TDRD7: variants seen among roughly 807,000 people sequenced by gnomAD.
TDRD7 encodes tudor domain containing 7.
A neutral mutation model predicts 109.8 loss-of-function variants in TDRD7; 47 were observed. The observed-to-expected ratio is 0.43, with a 90% CI of 0.34 to 0.55. TDRD7 has a LOEUF of 0.55. Among genes scored for constraint, TDRD7 ranks in the 20% least tolerant of loss-of-function variants. The pLI is 0.03. For synonymous variants in TDRD7, 424 were observed against 457.3 expected, an observed-to-expected ratio of 0.93 and a Z score of 0.93; for missense variants, 1,164 against 1,319.2, an observed-to-expected ratio of 0.88 and a Z score of 1.82.
At chr9:97,435,111 G>T (rs192451575) in intron 4 of TDRD7, among the ~76,000 whole-genome samples, 1 of 152,056 alleles carries the variant, frequency 6.6e-6, no homozygotes, top group Non-Finnish European at 1.5e-5. Context: ...TGGTGGGCAC[G>T]TGAATCTGTA....
chr9:97,450,709 AG>A (rs1828475682), intron 6 of TDRD7, among the ~76,000 whole-genome samples: 1 of 152,210 alleles, frequency 6.6e-6, no homozygotes, highest in Non-Finnish European at 1.5e-5. Context: ...CCTATTTGCC[AG>A]AAAATTAAAA....
intron 6 of TDRD7, among the ~76,000 whole-genome samples, chr9:97,448,588 A>G (rs1397539340): frequency 2.0e-5 from 3 of 152,206 alleles, no homozygotes. Flanking sequence ...TTTATTCACT[A>G]CTGAAGTCAA....
At position 97,482,912 on chromosome 9, in the gene TDRD7, C is replaced by A; in HGVS notation, c.2476C>A (p.Pro826Thr). The part of the protein sequence containing the change: ...HVYLFTPKNF[P>T]DPHRSINRQI... ...TTATTTATTTACCCCTAAGAACTTC[C>A]CTGACCCTCATCGCAGTATTAATCG... Residue 826 changes from proline to threonine, a missense_variant, in exon 15 of 17, where the codon CCT (proline) becomes ACT (threonine). Pro to Thr is a conservative substitution (Grantham distance 38, BLOSUM62 -1). Around this residue, in one of 5 missense-constraint regions of TDRD7, gnomAD observed 233 missense variants for 218.0 expected, o/e 1.07. Coordinates refer to ENST00000355295, the MANE Select transcript of TDRD7 (RefSeq NM_014290.3). 5 of 1,614,134 alleles carry A rather than the reference C, an allele frequency of 3.1e-6. No homozygotes were observed. Among genetic ancestry groups the A allele is most frequent in the Non-Finnish European group, 4.2e-6 (5 of 1,180,012 alleles).
intron 16 of TDRD7, among the ~76,000 whole-genome samples, chr9:97,488,805 T>A (rs189643497): frequency 6.6e-6 from 1 of 152,334 alleles, no homozygotes; most frequent in African/African-American, 2.4e-5. Context: ...GCTACAAGTT[T>A]CCCTCTAAGT....
intron 1 of TDRD7, among the ~76,000 whole-genome samples, chr9:97,424,873 AT>A (rs887952335): frequency 1.3e-5 from 2 of 149,928 alleles, no homozygotes; most frequent in Admixed American, 6.6e-5. Flanking sequence ...TTCCTGTCTA[AT>A]TTTTTTTAAC....
Position 97,478,564 on chromosome 9 carries a change from A to G in TDRD7, c.2292A>G (p.Ile764Met). 2.5e-6 allele frequency: 4 copies of G among 1,613,920 alleles called. No individual in the cohort carries two copies. Among genetic ancestry groups the G allele is most frequent in the African/African-American group, 1.3e-5 (1 of 75,022 alleles). ...GGTTTCTACAAGAAATGATTGCAAT[A>G]CCACCTCAGGTACTATGTTACCAGC... is the stretch of plus-strand genomic sequence containing the variant. The part of the protein sequence containing the change: ...PPRFLQEMIA[I>M]PPQAIKCCLA... Residue 764 changes from isoleucine (I) to methionine (M), a missense_variant, in exon 13 of 17, where the codon ATA (isoleucine) becomes ATG (methionine). This residue lies in a region of TDRD7 where 233 missense variants were observed against 218.0 expected (regional missense o/e 1.07). Transcript: ENST00000355295.
intron 6 of TDRD7, among the ~76,000 whole-genome samples, chr9:97,442,562 G>A (rs1564199951): frequency 6.6e-6 from 1 of 152,174 alleles, no homozygotes; most frequent in Non-Finnish European, 1.5e-5. Flanking sequence ...CTAACTTTTA[G>A]ATGTTTCTTA....
chr9:97,430,187 TC>T (rs1418521399), intron 2 of TDRD7, among the ~76,000 whole-genome samples: 2 of 152,202 alleles, frequency 1.3e-5, no homozygotes, highest in African/African-American at 4.8e-5. Flanking sequence ...AAATCTTTTT[TC>T]GATATCATAT....
intron 13 of TDRD7, chr9:97,480,427 A>ATTT: frequency 1.0e-4 from 19 of 186,304 alleles, no homozygotes; most frequent in East Asian, 7.5e-4. Flanking sequence ...ATGACAATTG[A>ATTT]TTTTTTTTTT....
At chr9:97,463,833 GA>G (rs1243083264) in intron 7 of TDRD7, among the ~76,000 whole-genome samples, 5 of 152,022 alleles carry the variant, frequency 3.3e-5, no homozygotes, top group East Asian at 1.9e-4. Flanking sequence ...ACATAATCCT[GA>G]AAAAAAATAT....
chr9:97,472,629 G>A, intron 10 of TDRD7, 134 bp downstream of exon 10: 1 of 777,052 alleles, frequency 1.3e-6, no homozygotes, highest in South Asian at 1.5e-5. Context: ...AGGAGGGAGT[G>A]GGGCTAGAAG....
chr9:97,426,764 T>C (rs946132119), intron 1 of TDRD7, among the ~76,000 whole-genome samples: 1 of 152,244 alleles, frequency 6.6e-6, no homozygotes, highest in African/African-American at 2.4e-5. Flanking sequence ...TTTTGTTTGC[T>C]ATTGAAACCT....
At chr9:97,491,329 C>T (rs995702442) in intron 16 of TDRD7, among the ~76,000 whole-genome samples, 41 of 152,296 alleles carry the variant, frequency 2.7e-4, no homozygotes, top group Admixed American at 2.3e-3. Flanking sequence ...ACACTGGTAC[C>T]GTATTAATCA....
At position 97,478,529 on chromosome 9, in the gene TDRD7, A is replaced by G. The variant is rs201436824; in HGVS notation, c.2257A>G (p.Ile753Val). The change falls in exon 13 of 17, where the codon ATT (isoleucine) becomes GTT (valine). Residue 753 changes from isoleucine to valine, a missense_variant. This residue lies in a region of TDRD7 where 233 missense variants were observed against 218.0 expected (regional missense o/e 1.07). Coordinates refer to ENST00000355295, the MANE Select transcript of TDRD7 (RefSeq NM_014290.3). ...TSVKVSELRE[I>V]PPRFLQEMIA... ...TGTAAAAGTGTCAGAGCTCAGGGAA[A>G]TTCCACCTCGGTTTCTACAAGAAAT... 2.2e-4 allele frequency: 354 copies of G among 1,613,934 alleles called. 1 individual carries two copies. The highest frequency in any genetic ancestry group is 2.8e-4 in the Non-Finnish European group (333 of 1,179,990).
intron 16 of TDRD7, among the ~76,000 whole-genome samples, chr9:97,494,713 T>TATA (rs1491205980): frequency 9.1e-5 from 7 of 77,054 alleles, no homozygotes; most frequent in Non-Finnish European, 1.8e-4. Context: ...TATATATATA[T>TATA]TTTTTTTTTT....
chr9:97,465,812 T>C (rs770676161), intron 8 of TDRD7, among the ~76,000 whole-genome samples: 3 of 152,138 alleles, frequency 2.0e-5, no homozygotes, highest in Non-Finnish European at 4.4e-5. Context: ...ATAGAGAATT[T>C]GGAGGGAGAG....
At chr9:97,480,220 A>G (rs924870730) in intron 13 of TDRD7, 2 of 155,578 alleles carry the variant, frequency 1.3e-5, no homozygotes, top group African/African-American at 2.4e-5. Flanking sequence ...TAGCCATTCT[A>G]CAGATGCTTG....
chr9:97,495,784 A>G lies in TDRD7; in HGVS notation c.3198A>G (p.Lys1066=). 6.2e-7 allele frequency: 1 copy of G among 1,614,172 alleles called. No individual in the cohort carries two copies. The highest frequency in any genetic ancestry group is 8.5e-7 in the Non-Finnish European group (1 of 1,180,036). ...AAAATGCTAACCCTTGGGACCGGAA[A>G]GTAGTGGTCTACTTAGTGGACACAT... The part of the protein sequence containing the change: ...VIENANPWDR[K]VVVYLVDTSL... The change falls in exon 17 of 17, where the codon AAA becomes AAG. Residue 1066 remains lysine (K), a synonymous_variant. Transcript: ENST00000355295.
rs118005357 is a variant in TDRD7 at position 97,416,669 on chromosome 9, A to C, written c.-7+4431A>C. ...TGCGATTGGCTGTCTCATTCAGTTT[A>C]TAAGAATTGTTAACATTTGCAGATA... On this transcript the variant is annotated intron_variant, in intron 1 of 16. Transcript: ENST00000355295. Among the ~76,000 whole-genome samples, 1,290 of 152,300 alleles carry C rather than the reference A, an allele frequency of 8.5e-3. 13 individuals are homozygous for C. Among genetic ancestry groups the C allele is most frequent in the Non-Finnish European group, 0.012 (795 of 68,032 alleles).
Sources: allele counts gnomAD v4.1 joint callset (sites outside exome capture counted in the v4.1 genomes callset), GRCh38; gene constraint gnomAD v4.1.1; regional missense constraint gnomAD v4.1.1; transcripts MANE v1.5; gene names NCBI Gene and HGNC (gene_info 2026-07-23, HGNC 2026-07-21).